Variants in AMBRA1 observed in about 807,000 individuals in gnomAD.
AMBRA1 encodes autophagy and beclin 1 regulator 1, also known as activating molecule in BECN1-regulated autophagy protein 1.
AMBRA1 carries 47 observed loss-of-function variants against 125.4 expected under a neutral mutation model. The ratio of observed to expected loss-of-function variants is 0.37; its 90% CI spans 0.30 to 0.48. The LOEUF is 0.48. AMBRA1 is among the 20% of genes least tolerant of loss of function. The pLI is 0.99. For missense variants in AMBRA1, 1,331 were observed against 1,693.4 expected, an observed-to-expected ratio of 0.79 and a Z score of 3.76; for synonymous variants, 626 against 655.5, an observed-to-expected ratio of 0.95 and a Z score of 0.69.
intron 7 of AMBRA1, among the ~76,000 whole-genome samples, chr11:46,532,412 A>T (rs764738891): frequency 2.8e-4 from 42 of 152,218 alleles, no homozygotes; most frequent in Admixed American, 5.2e-4. Context: ...ACTACTGATA[A>T]GCTTAAGAGC....
At position 46,465,529 on chromosome 11, in the gene AMBRA1, C is replaced by A. The variant is rs963415182; in HGVS notation, c.2522-21931G>T. 3.3e-5 allele frequency among the ~76,000 whole-genome samples: 5 copies of A among 152,156 alleles called. No individual in the cohort carries two copies. In the East Asian group the frequency reaches 9.6e-4, roughly 29 times the overall value. On this transcript the variant is annotated intron_variant, in intron 11 of 17. Coordinates refer to ENST00000683756, the MANE Select transcript of AMBRA1 (RefSeq NM_001387011.1). ...TTCTCTAAAGATTAAAAACTAGTGA[C>A]CTAAATATTTCAGGTAACTTTGGGG...
In AMBRA1 at chr11:46,543,287, G is replaced by C. The variant is rs921320636; in HGVS notation, c.730C>G (p.Leu244Val). ...GAAGAGCGGGAGGACAGCATGTGCA[G>C]GAAATTGTGGAGGAGAGGCGTCCGG... ...VRRTPLLHNF[L>V]HMLSSRSSGI... Residue 244 changes from leucine to valine, a missense_variant, in exon 7 of 18, where the codon CTG becomes GTG. Around this residue, in one of 4 missense-constraint regions of AMBRA1, gnomAD observed 689 missense variants for 776.5 expected, o/e 0.89. Coordinates refer to ENST00000683756, the MANE Select transcript of AMBRA1 (RefSeq NM_001387011.1). 4 of 1,613,962 alleles carry C rather than the reference G, an allele frequency of 2.5e-6. No individual in the cohort carries two copies. Among genetic ancestry groups the C allele is most frequent in the Non-Finnish European group, 3.4e-6 (4 of 1,180,006 alleles).
chr11:46,418,575 G>C (rs1307832174), intron 14 of AMBRA1, among the ~76,000 whole-genome samples: 1 of 151,226 alleles, frequency 6.6e-6, no homozygotes, highest in Admixed American at 6.6e-5. Context: ...AACAGGCCCC[G>C]GTGTGTGATG....
At chr11:46,547,950 T>C in intron 2 of AMBRA1, 75 bp from the exon 3 acceptor site, 3 of 1,493,716 alleles carry the variant, frequency 2.0e-6, no homozygotes, top group South Asian at 1.2e-5. Context: ...CAAAAGCACA[T>C]TAACCATTCT....
chr11:46,584,980 G>A (rs2044314218), intron 1 of AMBRA1, among the ~76,000 whole-genome samples: 2 of 152,120 alleles, frequency 1.3e-5, no homozygotes, highest in African/African-American at 2.4e-5. Context: ...GCTGAGGCAG[G>A]AGAAACGCTT....
intron 1 of AMBRA1, among the ~76,000 whole-genome samples, chr11:46,556,443 T>G (rs1303711142): frequency 6.6e-6 from 1 of 152,190 alleles, no homozygotes; most frequent in Non-Finnish European, 1.5e-5. Context: ...AAACTCCAAC[T>G]ATTCCCTGAA....
intron 15 of AMBRA1, among the ~76,000 whole-genome samples, chr11:46,414,489 T>G (rs1451960232): frequency 6.6e-6 from 1 of 152,018 alleles, no homozygotes; most frequent in Non-Finnish European, 1.5e-5. Context: ...CTGCCATGAG[T>G]CCCCTGATTC....
At chr11:46,457,431 G>A (rs2136819237) in intron 11 of AMBRA1, among the ~76,000 whole-genome samples, 1 of 152,154 alleles carries the variant, frequency 6.6e-6, no homozygotes. Flanking sequence ...AAAATTTAAC[G>A]GTTGACAATC....
chr11:46,561,863 T>C (rs2043349193), intron 1 of AMBRA1, among the ~76,000 whole-genome samples: 1 of 152,182 alleles, frequency 6.6e-6, no homozygotes, highest in South Asian at 2.1e-4. Context: ...GAGTAGAAGC[T>C]GGATTCCATT....
chr11:46,585,698 ATATATATATATATATATAT>A (rs2044367154), intron 1 of AMBRA1, among the ~76,000 whole-genome samples: 1 of 47,268 alleles, frequency 2.1e-5, no homozygotes, highest in Non-Finnish European at 4.5e-5. Flanking sequence ...AAAAAAAAAT[ATATATATATATATATATAT>A]ATATATTCCT....
chr11:46,576,769 A>G (rs772717062), intron 1 of AMBRA1, among the ~76,000 whole-genome samples: 2 of 152,244 alleles, frequency 1.3e-5, no homozygotes, highest in Non-Finnish European at 2.9e-5. Flanking sequence ...CATTTCAAAT[A>G]GCTTCATGTA....
At chr11:46,535,808 A>G (rs1343178990) in intron 7 of AMBRA1, among the ~76,000 whole-genome samples, 1 of 152,230 alleles carries the variant, frequency 6.6e-6, no homozygotes. Flanking sequence ...GGAAGGCTGC[A>G]TATGATGCCA....
rs747027675 is a variant in AMBRA1 at position 46,542,269 on chromosome 11, C to A, written c.1748G>T (p.Arg583Leu). 6.2e-7 allele frequency: 1 copy of A among 1,614,042 alleles called. No individual in the cohort carries two copies. Among genetic ancestry groups the A allele is most frequent in the Non-Finnish European group, 8.5e-7 (1 of 1,180,020 alleles). The part of the protein sequence containing the change: ...NLLTFNNDTL[R>L]WERTTPNYSS... Reference sequence around the variant, plus strand: ...GTAGTTAGGTGTGGTTCTTTCCCAGCGCAGGGTATCGTTGTTGAAGGTCAG... The same window carrying A: ...GTAGTTAGGTGTGGTTCTTTCCCAGAGCAGGGTATCGTTGTTGAAGGTCAG... The change falls in exon 7 of 18, where the codon CGC (arginine) becomes CTC (leucine). Residue 583 changes from arginine to leucine, a missense_variant. By Grantham distance (102) the Arg-to-Leu change is moderately radical. Transcript: ENST00000683756. This position sits in a 1 kb window ranked among gnomAD's most constrained non-coding sequence, Gnocchi z 5.9.
chr11:46,416,695 C>T (rs1170334581), intron 15 of AMBRA1, among the ~76,000 whole-genome samples: 1 of 152,202 alleles, frequency 6.6e-6, no homozygotes, highest in Non-Finnish European at 1.5e-5. Context: ...ACTGTCACAC[C>T]ACACTCTGTG....
intron 1 of AMBRA1, among the ~76,000 whole-genome samples, chr11:46,583,661 A>C (rs1225027204): frequency 6.9e-4 from 89 of 129,694 alleles, no homozygotes; most frequent in Non-Finnish European, 1.1e-3. Context: ...CCAAAAAAAA[A>C]AAAAAAAAAA....
intron 12 of AMBRA1, among the ~76,000 whole-genome samples, chr11:46,439,966 A>G (rs1309096053): frequency 6.6e-6 from 1 of 152,116 alleles, no homozygotes; most frequent in Non-Finnish European, 1.5e-5. Flanking sequence ...TTGATAGTAC[A>G]TTCTATCAGC....
At chr11:46,529,753 A>C (rs1296406083) in intron 7 of AMBRA1, among the ~76,000 whole-genome samples, 1 of 152,178 alleles carries the variant, frequency 6.6e-6, no homozygotes, top group African/African-American at 2.4e-5. Flanking sequence ...TGGAAAAAAA[A>C]CATCCAAATT....
chr11:46,556,768 A>G (rs2043167405), intron 1 of AMBRA1, among the ~76,000 whole-genome samples: 1 of 152,178 alleles, frequency 6.6e-6, no homozygotes, highest in Admixed American at 6.5e-5. Flanking sequence ...TACCACAAGG[A>G]TCAAAATATT....
At chr11:46,512,154 C>A (rs1590993001) in intron 8 of AMBRA1, among the ~76,000 whole-genome samples, 2 of 152,234 alleles carry the variant, frequency 1.3e-5, no homozygotes, top group Non-Finnish European at 2.9e-5. Flanking sequence ...CCATGCCCAG[C>A]CTCAAATGTC....
Sources: gnomAD v4.1 joint callset for allele counts (sites outside exome capture counted in the v4.1 genomes callset) on GRCh38, gnomAD v4.1.1 for gene constraint, gnomAD v4.1.1 regional missense constraint, Gnocchi (gnomAD v3.1) non-coding constraint, MANE v1.5 for transcripts, NCBI Gene and HGNC (gene_info 2026-07-23, HGNC 2026-07-21) for gene names.